The following STIMATE variants were observed in gnomAD, a reference collection of about 807,000 sequenced individuals.
STIMATE encodes store-operated calcium entry regulator STIMATE.
STIMATE carries 15 observed loss-of-function variants against 36.7 expected under a neutral mutation model. The ratio of observed to expected loss-of-function variants is 0.41; its 90% CI spans 0.27 to 0.63. The LOEUF (loss-of-function observed/expected upper bound fraction) is 0.63, where lower values mean the gene tolerates loss of function less well. Among genes scored for constraint, STIMATE ranks in the 20% least tolerant of loss-of-function variants. STIMATE has a pLI of 0.32. For synonymous variants in STIMATE, 163 were observed against 162.3 expected (o/e 1.00, Z -0.03); for missense variants, 305 against 397.3 (o/e 0.77, Z 1.98).
At chr3:52,875,852 C>A (rs1261586851) in intron 1 of STIMATE, among the ~76,000 whole-genome samples, 1 of 152,162 alleles carries the variant, frequency 6.6e-6, no homozygotes, top group Non-Finnish European at 1.5e-5. Context: ...GGAGGGGCCA[C>A]TCAGCCGGCC....
chr3:52,847,148 G>T, intron 4 of STIMATE: 2 of 865,858 alleles, frequency 2.3e-6, no homozygotes, highest in African/African-American at 1.8e-5. Flanking sequence ...GGGCTCAAGC[G>T]ATCCTCCCCG....
intron 1 of STIMATE, among the ~76,000 whole-genome samples, chr3:52,866,178 CA>C (rs1229497960): frequency 6.6e-6 from 1 of 152,254 alleles, no homozygotes; most frequent in Non-Finnish European, 1.5e-5. Flanking sequence ...CCGCTCTCCA[CA>C]GAGGCTGTGC....
At chr3:52,849,657 C>T (rs1700964690) in intron 4 of STIMATE, 135 bp downstream of exon 4, 1 of 1,429,136 alleles carries the variant, frequency 7.0e-7, no homozygotes. Context: ...AGAACAGCCC[C>T]CTCTACCACA....
intron 1 of STIMATE, among the ~76,000 whole-genome samples, chr3:52,870,619 C>T (rs971544457): frequency 4.6e-5 from 7 of 152,042 alleles, no homozygotes; most frequent in South Asian, 2.1e-4. Flanking sequence ...TGACTCCACG[C>T]GAAGTGAATG....
At chr3:52,885,069 A>G (rs1225520675) in intron 1 of STIMATE, among the ~76,000 whole-genome samples, 1 of 152,074 alleles carries the variant, frequency 6.6e-6, no homozygotes, top group Admixed American at 6.6e-5. Context: ...TTCTCTTCTA[A>G]TCTTGGTATT....
At chr3:52,870,085 A>G (rs1017403747) in intron 1 of STIMATE, among the ~76,000 whole-genome samples, 1 of 152,170 alleles carries the variant, frequency 6.6e-6, no homozygotes, top group Non-Finnish European at 1.5e-5. Context: ...GAAAGCACAC[A>G]TCTGGCTTCA....
chr3:52,845,361 G>C (rs1700875425), intron 4 of STIMATE, among the ~76,000 whole-genome samples: 1 of 152,218 alleles, frequency 6.6e-6, no homozygotes, highest in Non-Finnish European at 1.5e-5. Context: ...TGAGTGGACT[G>C]ATGTTTGTGG....
chr3:52,888,336 C>T (rs1701727311), intron 1 of STIMATE, among the ~76,000 whole-genome samples: 1 of 152,134 alleles, frequency 6.6e-6, no homozygotes, highest in African/African-American at 2.4e-5. Flanking sequence ...GCAAGCCTCC[C>T]CGACATAGTC....
intron 1 of STIMATE, among the ~76,000 whole-genome samples, chr3:52,881,431 C>T (rs542290249): frequency 6.6e-6 from 1 of 151,824 alleles, no homozygotes; most frequent in South Asian, 2.1e-4. Context: ...GGGCTGGGCG[C>T]GGTGGCTTGA....
In STIMATE at chr3:52,850,480, G is replaced by A. The variant is rs73839526; in HGVS notation, c.306-567C>T. On this transcript the variant is annotated intron_variant, in intron 3 of 7. Transcript: ENST00000355083. ...CTGCCAGTGCTTCTGCCAGGCGAAG[G>A]TTCAATGGAAGACAGAGTACCTGGA... is the stretch of plus-strand genomic sequence containing the variant. Among the ~76,000 whole-genome samples, 1,385 of 152,080 alleles carry A rather than the reference G, an allele frequency of 9.1e-3. 28 individuals are homozygous for A. The highest frequency in any genetic ancestry group is 0.032 in the African/African-American group (1,335 of 41,490).
chr3:52,850,300 C>T (rs372426140), intron 3 of STIMATE, among the ~76,000 whole-genome samples: 10 of 152,130 alleles, frequency 6.6e-5, no homozygotes, highest in Admixed American at 2.0e-4. Context: ...GGCGTGGTGG[C>T]GCGCACCTGT....
At chr3:52,846,716 T>C (rs955806650) in intron 4 of STIMATE, among the ~76,000 whole-genome samples, 1 of 152,216 alleles carries the variant, frequency 6.6e-6, no homozygotes, top group Non-Finnish European at 1.5e-5. Context: ...AAAAAGCACC[T>C]GTGACCCCGT....
intron 1 of STIMATE, among the ~76,000 whole-genome samples, chr3:52,860,779 G>GT (rs1349558338): frequency 6.6e-6 from 1 of 152,230 alleles, no homozygotes; most frequent in Admixed American, 6.5e-5. Flanking sequence ...GACAGTGGAC[G>GT]TGGGGTGTGG....
At chr3:52,860,769 G>C (rs1035209247) in intron 1 of STIMATE, among the ~76,000 whole-genome samples, 1 of 152,232 alleles carries the variant, frequency 6.6e-6, no homozygotes. Flanking sequence ...AGGCTCTGCT[G>C]ACAGTGGACG....
chr3:52,890,696 GATA>G (rs1210243447), intron 1 of STIMATE, among the ~76,000 whole-genome samples: 1 of 152,214 alleles, frequency 6.6e-6, no homozygotes, highest in African/African-American at 2.4e-5. Context: ...CAAGGAAAAG[GATA>G]ATTCTTCTGG....
chr3:52,843,803 A>T lies in STIMATE; in HGVS notation c.541-5T>A. 1 of 1,613,814 alleles carries T rather than the reference A, an allele frequency of 6.2e-7. No individual in the cohort carries two copies. Among genetic ancestry groups the T allele is most frequent in the Non-Finnish European group, 8.5e-7 (1 of 1,179,950 alleles). ...AATGGGATTCAACAGGGCCACCTGT[A>T]AAGAGAAGCAGACTCAGTGAGGTAG... is the stretch of plus-strand genomic sequence containing the variant. On this transcript the variant is annotated splice_polypyrimidine_tract_variant and splice_region_variant and intron_variant, in intron 5 of 7. Transcript: ENST00000355083.
Position 52,836,759 on chromosome 3 carries a change from G to T in STIMATE, c.*3735C>A. On this transcript the variant is annotated 3_prime_UTR_variant, in exon 8 of 8. Coordinates refer to ENST00000355083, the MANE Select transcript of STIMATE (RefSeq NM_198563.5). The stretch of plus-strand genomic sequence containing the variant: ...TTCTTTTTAAAAAAAACTGTAATAA[G>T]ATGCCAAACTTTATTGTAAACCATT... The T allele has an allele frequency of 2.8e-6, 1 of 357,226 alleles. No homozygotes were observed. The highest frequency in any genetic ancestry group is 5.7e-6 in the Non-Finnish European group (1 of 176,180). The allele number at this position is 357,226 out of a possible 1,614,324, so 22.1% of individuals were successfully genotyped here.
chr3:52,883,790 T>G (rs1010478033), intron 1 of STIMATE, among the ~76,000 whole-genome samples: 1 of 152,236 alleles, frequency 6.6e-6, no homozygotes, highest in Non-Finnish European at 1.5e-5. Flanking sequence ...TGCTTTTCTA[T>G]TTTCCATTGT....
chr3:52,849,688 C>T, intron 4 of STIMATE, 104 bp downstream of exon 4: 32 of 1,499,426 alleles, frequency 2.1e-5, no homozygotes, highest in Non-Finnish European at 2.8e-5. Flanking sequence ...AATGGCAGCT[C>T]CCCAGCCATT....
Sources: allele counts gnomAD v4.1 joint callset (sites outside exome capture counted in the v4.1 genomes callset), GRCh38; gene constraint gnomAD v4.1.1; transcripts MANE v1.5; gene names NCBI Gene and HGNC (gene_info 2026-07-23, HGNC 2026-07-21).